Variants in LRRC9 observed in about 807,000 individuals in gnomAD.
LRRC9 encodes the protein leucine-rich repeat-containing protein 9.
LRRC9 carries 122 observed loss-of-function variants against 63.2 expected under a neutral mutation model. The observed-to-expected ratio is 1.93, with a 90% CI of 1.67 to 2.24. The LOEUF (loss-of-function observed/expected upper bound fraction) is 2.24, where lower values mean the gene tolerates loss of function less well. Ranked by LOEUF, LRRC9 falls within the 30% of genes most tolerant of loss-of-function variation. The probability of loss-of-function intolerance (pLI) is 0.00; values close to 1 mark genes in which losing one functional copy is unlikely to be tolerated. For missense variants in LRRC9, 1,071 were observed against 627.7 expected (o/e 1.71, Z -7.55); for synonymous variants, 366 against 213.1 (o/e 1.72, Z -6.25).
chr14:59,932,512 T>G lies in LRRC9; in HGVS notation c.543+473T>G, dbSNP rs1889787387. Among the ~76,000 whole-genome samples, 1 of 152,100 alleles carries G rather than the reference T, an allele frequency of 6.6e-6. No homozygotes were observed. The highest frequency in any genetic ancestry group is 2.1e-4 in the South Asian group (1 of 4,828). On this transcript the variant is annotated intron_variant, in intron 6 of 31. Transcript: ENST00000445360. The surrounding 1 kb of genome is among the most constrained non-coding windows in gnomAD (Gnocchi z 4.7). Reference sequence around the variant, plus strand: ...TACACATATCTTAATGCAAACTAATTTTTCCTCTACCAGGCCTTCTCCTGC... The same window carrying G: ...TACACATATCTTAATGCAAACTAATGTTTCCTCTACCAGGCCTTCTCCTGC...
At chr14:59,993,689 AC>A (rs1484003605) in intron 17 of LRRC9, among the ~76,000 whole-genome samples, 3 of 152,194 alleles carry the variant, frequency 2.0e-5, no homozygotes, top group African/African-American at 7.2e-5. Flanking sequence ...CAGACTTTAA[AC>A]CAGCAAAGAT....
chr14:59,993,323 GA>G (rs1428695397), intron 17 of LRRC9, among the ~76,000 whole-genome samples: 4 of 152,124 alleles, frequency 2.6e-5, no homozygotes, highest in Non-Finnish European at 5.9e-5. Context: ...ACTAAACATG[GA>G]AAGGAACAAC....
chr14:60,051,108 G>A lies in LRRC9; in HGVS notation c.3991-1957G>A, dbSNP rs1396152303. Among the ~76,000 whole-genome samples the A allele has an allele frequency of 2.6e-5, 4 of 152,210 alleles. No individual in the cohort carries two copies. The highest frequency in any genetic ancestry group is 5.9e-5 in the Non-Finnish European group (4 of 68,040). On this transcript the variant is annotated intron_variant, in intron 29 of 31. Transcript: ENST00000445360. The surrounding 1 kb of genome is among the most constrained non-coding windows in gnomAD (Gnocchi z 4.7). ...AGTCTGGCTGCTTTTGGTAGAGCCA[G>A]TGTGCTCCATTGGTGAGGGACTCTT...
At chr14:60,019,449 A>G (rs574349024) in intron 26 of LRRC9, among the ~76,000 whole-genome samples, 189 bp downstream of exon 26, 1 of 152,000 alleles carries the variant, frequency 6.6e-6, no homozygotes, top group African/African-American at 2.4e-5. Context: ...TATTTCTCTC[A>G]TTGTTTATTC....
chr14:59,985,067 C>T (rs1402634072), intron 16 of LRRC9, 38 bp from the exon 17 acceptor site: 3 of 591,142 alleles, frequency 5.1e-6, no homozygotes, highest in Non-Finnish European at 9.2e-6. Context: ...AGAATGTAAC[C>T]TGTATTATTT....
In LRRC9 at chr14:60,003,815, C is replaced by T. The variant is rs1244895948; in HGVS notation, c.2842+17C>T. ...AGATAGAAGGTAAGGTACTTAAGAA[C>T]TTTGAAGTCTCAAAATATGGGATGT... On this transcript the variant is annotated intron_variant, in intron 21 of 31. Transcript: ENST00000445360. The surrounding 1 kb of genome is among the most constrained non-coding windows in gnomAD (Gnocchi z 4.2). The T allele has an allele frequency of 7.2e-6, 4 of 554,124 alleles. No individual in the cohort carries two copies. The South Asian group carries it at 9.6e-5, about 13-fold the overall frequency. The allele number at this position is 554,124 out of a possible 1,614,324, so 34.3% of individuals were successfully genotyped here.
Position 60,027,352 on chromosome 14 carries a change from G to T in LRRC9, c.3704-532G>T, listed in dbSNP as rs1353013818. On this transcript the variant is annotated intron_variant, in intron 27 of 31. Transcript: ENST00000445360. This position sits in a 1 kb window ranked among gnomAD's most constrained non-coding sequence, Gnocchi z 4.0. ...TAGCTACAATAGAGAGAAATCATAGGTTTATAAATAAGGTTTAGAGTTTTG... is the reference window on the plus strand; with the variant it reads ...TAGCTACAATAGAGAGAAATCATAGTTTTATAAATAAGGTTTAGAGTTTTG... Among the ~76,000 whole-genome samples the T allele has an allele frequency of 2.6e-5, 4 of 151,908 alleles. No individual in the cohort carries two copies. Among genetic ancestry groups the T allele is most frequent in the Middle Eastern group, 3.2e-3 (1 of 316 alleles).
chr14:59,971,652 C>T (rs1293311789), intron 12 of LRRC9, among the ~76,000 whole-genome samples: 3 of 152,050 alleles, frequency 2.0e-5, no homozygotes, highest in Non-Finnish European at 4.4e-5. Context: ...TCCTGGTCTT[C>T]TTTCCTGATT....
rs1264671532 is a variant in LRRC9, at chr14:59,964,586, T to C, written c.1212-2003T>C. Among the ~76,000 whole-genome samples the C allele has an allele frequency of 6.6e-6, 1 of 152,148 alleles. No homozygotes were observed. Among genetic ancestry groups the C allele is most frequent in the Non-Finnish European group, 1.5e-5 (1 of 68,030 alleles). On this transcript the variant is annotated intron_variant, in intron 10 of 31. Coordinates refer to ENST00000445360, the Ensembl canonical transcript of LRRC9. This position sits in a 1 kb window ranked among gnomAD's most constrained non-coding sequence, Gnocchi z 4.4. ...GAGACGCCTCAAGCCCAATATCCCC[T>C]ATATAGCAAAAACTTTATCTAAAAC...
Position 59,998,610 on chromosome 14 carries a change from A to C in LRRC9, c.2404-491A>C, listed in dbSNP as rs547016848. Among the ~76,000 whole-genome samples, 3 of 152,210 alleles carry C rather than the reference A, an allele frequency of 2.0e-5. No individual in the cohort carries two copies. The East Asian group carries it at 5.8e-4, about 29-fold the overall frequency. ...AAACTAAGCACAGTAGGTTCTATTA[A>C]ATTGACCATATTACTAAGTTTATAT... On this transcript the variant is annotated intron_variant, in intron 18 of 31. Coordinates refer to ENST00000445360, the Ensembl canonical transcript of LRRC9.
At chr14:59,993,627 G>A (rs1482384141) in intron 17 of LRRC9, among the ~76,000 whole-genome samples, 1 of 152,070 alleles carries the variant, frequency 6.6e-6, no homozygotes, top group Non-Finnish European at 1.5e-5. Context: ...GATCTACCAA[G>A]CAAATGGAAA....
rs561924331 is a variant in LRRC9, at chr14:60,039,858, G to T, written c.3990+7795G>T. Reference sequence around the variant, plus strand: ...CTCGTTCTTTTAATTGTGATGTTAGGGTGTCTATTTTAGATGTTTCCTGCT... The same window carrying T: ...CTCGTTCTTTTAATTGTGATGTTAGTGTGTCTATTTTAGATGTTTCCTGCT... On this transcript the variant is annotated intron_variant, in intron 29 of 31. Coordinates refer to ENST00000445360, the Ensembl canonical transcript of LRRC9. Among the ~76,000 whole-genome samples, 76 of 152,032 alleles carry T rather than the reference G, an allele frequency of 5.0e-4. 1 individual carries two copies. Among genetic ancestry groups the T allele is most frequent in the Admixed American group, 4.5e-3 (68 of 15,266 alleles).
rs1255250168 is a variant in LRRC9, at chr14:60,003,182, A to C, written c.2665-439A>C. ...CCACAGGCAGTTCTGGAGTTAGTGG[A>C]GTTAGAATGGCCCTTTAAATTTGTC... On this transcript the variant is annotated intron_variant, in intron 20 of 31. Transcript: ENST00000445360. The surrounding 1 kb of genome is among the most constrained non-coding windows in gnomAD (Gnocchi z 4.2). 6.6e-6 allele frequency among the ~76,000 whole-genome samples: 1 copy of C among 152,222 alleles called. No homozygotes were observed. The highest frequency in any genetic ancestry group is 1.5e-5 in the Non-Finnish European group (1 of 68,030).
intron 7 of LRRC9, among the ~76,000 whole-genome samples, chr14:59,944,313 C>T (rs1882105391): frequency 1.3e-5 from 2 of 151,778 alleles, no homozygotes; most frequent in Admixed American, 1.3e-4. Flanking sequence ...TAAATTTTAT[C>T]TGTAGTCTCT....
chr14:60,028,379 C>T (rs1188666967), intron 28 of LRRC9, among the ~76,000 whole-genome samples: 1 of 152,064 alleles, frequency 6.6e-6, no homozygotes, highest in Non-Finnish European at 1.5e-5. Flanking sequence ...TGAGAGTTCT[C>T]ATTTGTTCCT....
In LRRC9 at chr14:59,923,830, A is replaced by T. The variant is rs540708421; in HGVS notation, c.-34+3947A>T. ...GTGGCAGGCGCCTATAGTTCCAGCG[A>T]CTCCGAAGGCTGAGGCAGGAGTATG... is the stretch of plus-strand genomic sequence containing the variant. On this transcript the variant is annotated intron_variant, in intron 1 of 31. Coordinates refer to ENST00000445360, the Ensembl canonical transcript of LRRC9. The surrounding 1 kb of genome is among the most constrained non-coding windows in gnomAD (Gnocchi z 4.2). Among the ~76,000 whole-genome samples, 15 of 152,032 alleles carry T rather than the reference A, an allele frequency of 9.9e-5. 1 individual carries two copies. In the South Asian group the frequency reaches 3.1e-3, roughly 32 times the overall value.
chr14:59,959,963 A>T (rs941137715), exon 9 of LRRC9: 2 of 690,018 alleles, frequency 2.9e-6, no homozygotes, highest in African/African-American at 3.5e-5. Context: ...ATATTGGCCA[A>T]ACTAAATGCC....
intron 12 of LRRC9, among the ~76,000 whole-genome samples, chr14:59,968,282 G>A (rs1031511607): frequency 6.6e-6 from 1 of 152,166 alleles, no homozygotes; most frequent in Non-Finnish European, 1.5e-5. Flanking sequence ...AGAGGAGGAG[G>A]TAGGGAGTTA....
chr14:59,971,015 G>A (rs932104901), intron 12 of LRRC9, among the ~76,000 whole-genome samples: 1 of 152,074 alleles, frequency 6.6e-6, no homozygotes, highest in Admixed American at 6.6e-5. Context: ...CGTCCAGAAT[G>A]GTATTGCCTA....
Sources: gnomAD v4.1 joint callset for allele counts (sites outside exome capture counted in the v4.1 genomes callset) on GRCh38, gnomAD v4.1.1 for gene constraint, Gnocchi (gnomAD v3.1) non-coding constraint, MANE v1.5 for transcripts, NCBI Gene and HGNC (gene_info 2026-07-23, HGNC 2026-07-21) for gene names.